The following FSTL4 variants were observed in gnomAD, a reference collection of about 807,000 sequenced individuals.
FSTL4 encodes follistatin-related protein 4.
In FSTL4, 28 loss-of-function variants were observed where a neutral mutation model predicts 78.2. The ratio of observed to expected loss-of-function variants is 0.36; its 90% CI spans 0.27 to 0.49. FSTL4 has a LOEUF of 0.49. Ranked by LOEUF, FSTL4 falls within the 20% of genes least tolerant of loss-of-function variation. The probability of loss-of-function intolerance (pLI) is 0.98; values close to 1 mark genes in which losing one functional copy is unlikely to be tolerated. For missense variants in FSTL4, 922 were observed against 1,084.9 expected, an observed-to-expected ratio of 0.85 and a Z score of 2.11; for synonymous variants, 422 against 440.5, an observed-to-expected ratio of 0.96 and a Z score of 0.53.
At chr5:133,566,006 C>T (rs1470161662) in intron 3 of FSTL4, among the ~76,000 whole-genome samples, 2 of 152,170 alleles carry the variant, frequency 1.3e-5, no homozygotes, top group Non-Finnish European at 1.5e-5. Context: ...CTCCATCAAC[C>T]TTCATCCATT....
intron 3 of FSTL4, among the ~76,000 whole-genome samples, chr5:133,447,871 G>T (rs908820240): frequency 5.9e-5 from 9 of 152,200 alleles, no homozygotes; most frequent in African/African-American, 2.2e-4. Flanking sequence ...TGTCATTTTA[G>T]TGCAAGCTAC....
chr5:133,423,151 G>A (rs1391283880), intron 3 of FSTL4, among the ~76,000 whole-genome samples: 1 of 152,232 alleles, frequency 6.6e-6, no homozygotes, highest in African/African-American at 2.4e-5. Context: ...GTTGGAGCTG[G>A]CCCGCTGGCT....
chr5:133,514,228 C>T (rs769075377), intron 3 of FSTL4, among the ~76,000 whole-genome samples: 2 of 134,340 alleles, frequency 1.5e-5, no homozygotes, highest in South Asian at 2.4e-4. Flanking sequence ...AATAATAAAC[C>T]GTTGGTTCAG....
chr5:133,362,319 G>C (rs552405561), intron 4 of FSTL4, among the ~76,000 whole-genome samples: 3 of 152,178 alleles, frequency 2.0e-5, no homozygotes, highest in Non-Finnish European at 4.4e-5. Context: ...GTGAAATTAA[G>C]TGTGGAAGTG....
At position 133,448,744 on chromosome 5, in the gene FSTL4, G is replaced by GC. The variant is rs970343193; in HGVS notation, c.161-47759_161-47758insG. 1.0e-4 allele frequency among the ~76,000 whole-genome samples: 15 copies of GC among 149,728 alleles called. 1 individual carries two copies. Among genetic ancestry groups the GC allele is most frequent in the Non-Finnish European group, 1.5e-4 (10 of 67,230 alleles). On this transcript the variant is annotated intron_variant, in intron 3 of 15. Coordinates refer to ENST00000265342, the MANE Select transcript of FSTL4 (RefSeq NM_015082.2). ...AATCCCCAGGGGTGCGGGGGCGGGG[G>GC]GGGGGGGCGCTCAGAATTTTCCGCC...
At chr5:133,835,210 A>T in the FSTL4 span, among the ~76,000 whole-genome samples, 1 of 152,312 alleles carries the variant, frequency 6.6e-6, no homozygotes, top group South Asian at 2.1e-4. Context: ...AGGCGGGAAC[A>T]TTGGGAGCCC....
rs569611266 is a variant in FSTL4 at position 133,552,212 on chromosome 5, T to C, written c.160+14974A>G. 4.9e-4 allele frequency among the ~76,000 whole-genome samples: 75 copies of C among 152,334 alleles called. 1 individual carries two copies. Among genetic ancestry groups the C allele is most frequent in the Admixed American group, 2.1e-3 (32 of 15,302 alleles). On this transcript the variant is annotated intron_variant, in intron 3 of 15. Coordinates refer to ENST00000265342, the MANE Select transcript of FSTL4 (RefSeq NM_015082.2). Reference sequence around the variant, plus strand: ...ACTGGTCCATAATTAACAAGTTCTATACCTTAGTACAAAACAGGGATTGAA... The same window carrying C: ...ACTGGTCCATAATTAACAAGTTCTACACCTTAGTACAAAACAGGGATTGAA...
At chr5:133,511,277 T>A (rs937731447) in intron 3 of FSTL4, among the ~76,000 whole-genome samples, 5 of 152,206 alleles carry the variant, frequency 3.3e-5, no homozygotes, top group African/African-American at 1.2e-4. Flanking sequence ...CATTCAGCGA[T>A]GGAGTTGCAT....
intron 13 of FSTL4, among the ~76,000 whole-genome samples, chr5:133,216,836 C>T (rs1257290635): frequency 6.6e-6 from 1 of 152,224 alleles, no homozygotes; most frequent in Non-Finnish European, 1.5e-5. Flanking sequence ...TTCATCCTCC[C>T]ACTCTACCCT....
intron 3 of FSTL4, among the ~76,000 whole-genome samples, chr5:133,443,413 C>T (rs147153053): frequency 6.6e-6 from 1 of 152,240 alleles, no homozygotes; most frequent in Non-Finnish European, 1.5e-5. Flanking sequence ...GTTGGCGCAA[C>T]TCATTCATGG....
At position 133,244,485 on chromosome 5, in the gene FSTL4, G is replaced by C. The variant is rs570545623; in HGVS notation, c.894+4925C>G. ...AACGAAACCCACAGTCAGCCAGGAA[G>C]TAAACAAATTACAGGCTGCACTTTG... On this transcript the variant is annotated intron_variant, in intron 7 of 15. Transcript: ENST00000265342. 2.0e-5 allele frequency: 3 copies of C among 152,344 alleles called. No individual in the cohort carries two copies. The East Asian group carries it at 5.8e-4, about 30-fold the overall frequency. The allele number at this position is 152,344 out of a possible 1,614,324, so 9.4% of individuals were successfully genotyped here. A position where few individuals can be genotyped will look rare whatever the true frequency, so the allele number is the denominator to read the frequency against.
chr5:133,224,806 C>G (rs1751272544), intron 10 of FSTL4, among the ~76,000 whole-genome samples: 1 of 152,186 alleles, frequency 6.6e-6, no homozygotes, highest in African/African-American at 2.4e-5. Context: ...AGGTTCTGGG[C>G]CACTGTGGGA....
chr5:133,683,523 T>C, the FSTL4 span, among the ~76,000 whole-genome samples: 24,491 of 152,090 alleles, frequency 0.16, 5,822 homozygotes, highest in African/African-American at 0.52. Context: ...TTGCCAAGCA[T>C]GTTTGCGTGA....
chr5:133,209,971 T>C (rs374365625), intron 14 of FSTL4: 1 of 443,520 alleles, frequency 2.3e-6, no homozygotes. Flanking sequence ...ATTCTGATTG[T>C]TGTGATGTCA....
At chr5:133,624,993 A>T in the FSTL4 span, among the ~76,000 whole-genome samples, 1 of 151,684 alleles carries the variant, frequency 6.6e-6, no homozygotes, top group African/African-American at 2.4e-5. Context: ...CTTGGTATAT[A>T]ATTCTTTTTA....
intron 6 of FSTL4, among the ~76,000 whole-genome samples, chr5:133,296,505 C>G (rs1318703829): frequency 6.6e-6 from 1 of 152,164 alleles, no homozygotes; most frequent in East Asian, 1.9e-4. Context: ...ACCTTTGACC[C>G]TGCCCCCAGC....
chr5:133,776,190 C>T, the FSTL4 span, among the ~76,000 whole-genome samples: 1 of 152,190 alleles, frequency 6.6e-6, no homozygotes, highest in Non-Finnish European at 1.5e-5. Flanking sequence ...GACTATATCA[C>T]CCAAGTTCCC....
chr5:133,390,202 T>C (rs1446905354), intron 4 of FSTL4, among the ~76,000 whole-genome samples: 1 of 152,270 alleles, frequency 6.6e-6, no homozygotes, highest in Non-Finnish European at 1.5e-5. Flanking sequence ...CTGCTTATAA[T>C]AAGTGGACGG....
At chr5:133,840,752 A>G in the FSTL4 span, among the ~76,000 whole-genome samples, 1 of 152,242 alleles carries the variant, frequency 6.6e-6, no homozygotes, top group Admixed American at 6.5e-5. Context: ...GGAGGCAAGC[A>G]CCCGTACTCC....
Sources: gnomAD v4.1 joint callset for allele counts (sites outside exome capture counted in the v4.1 genomes callset) on GRCh38, gnomAD v4.1.1 for gene constraint, MANE v1.5 for transcripts, NCBI Gene and HGNC (gene_info 2026-07-23, HGNC 2026-07-21) for gene names.